The following NLGN1 variants were observed in gnomAD, a reference collection of about 807,000 sequenced individuals.
NLGN1 encodes neuroligin 1.
Under a neutral mutation model 65.5 loss-of-function variants are expected in NLGN1, and 12 were observed. The ratio of observed to expected loss-of-function variants is 0.18; its 90% CI spans 0.12 to 0.30. The LOEUF (loss-of-function observed/expected upper bound fraction) is 0.30. Ranked by LOEUF, NLGN1 falls within the 10% of genes least tolerant of loss-of-function variation. The probability of loss-of-function intolerance (pLI) is 1.00; values close to 1 mark genes in which losing one functional copy is unlikely to be tolerated. For synonymous variants in NLGN1, 350 were observed against 359.5 expected, an observed-to-expected ratio of 0.97 and a Z score of 0.30; for missense variants, 750 against 1,007.1, an observed-to-expected ratio of 0.74 and a Z score of 3.46.
chr3:173,916,473 A>C (rs1560623627), intron 4 of NLGN1, among the ~76,000 whole-genome samples: 2 of 152,162 alleles, frequency 1.3e-5, no homozygotes, highest in South Asian at 2.1e-4. Flanking sequence ...GCCTAATTAT[A>C]ATATTTTATA....
chr3:173,728,837 C>T lies in NLGN1; in HGVS notation c.494-78843C>T, dbSNP rs899071280. Among the ~76,000 whole-genome samples the T allele has an allele frequency of 7.2e-5, 11 of 152,008 alleles. No individual in the cohort carries two copies. In the South Asian group the frequency reaches 1.9e-3, roughly 26 times the overall value. Reference sequence around the variant, plus strand: ...CTAGAGTCTTCAGAGGGAGTATGGCCCTGCTGGCAGGTTGATTTCAGACTT... The same window carrying T: ...CTAGAGTCTTCAGAGGGAGTATGGCTCTGCTGGCAGGTTGATTTCAGACTT... On this transcript the variant is annotated intron_variant, in intron 3 of 6. Coordinates refer to ENST00000457714, the Ensembl canonical transcript of NLGN1.
At chr3:173,617,191 A>G (rs1298431566) in intron 3 of NLGN1, among the ~76,000 whole-genome samples, 1 of 152,118 alleles carries the variant, frequency 6.6e-6, no homozygotes, top group Non-Finnish European at 1.5e-5. Flanking sequence ...TGATCAACCT[A>G]TCAAGATAAC....
At chr3:174,096,530 G>A (rs1211424739) in intron 4 of NLGN1, among the ~76,000 whole-genome samples, 1 of 151,992 alleles carries the variant, frequency 6.6e-6, no homozygotes, top group Non-Finnish European at 1.5e-5. Context: ...GTAGATAGAA[G>A]GTCGGTTTGA....
At chr3:173,773,956 A>G (rs1560340444) in intron 3 of NLGN1, among the ~76,000 whole-genome samples, 4 of 152,190 alleles carry the variant, frequency 2.6e-5, no homozygotes, top group East Asian at 3.9e-4. Context: ...GAACATCCCA[A>G]TCAGACAAAG....
chr3:173,667,796 A>T (rs1761920764), intron 3 of NLGN1, among the ~76,000 whole-genome samples: 1 of 151,864 alleles, frequency 6.6e-6, no homozygotes, highest in Admixed American at 6.6e-5. Flanking sequence ...CGCCTGGCTC[A>T]CTTTTGTATG....
At chr3:173,853,988 A>G (rs1025724814) in intron 4 of NLGN1, among the ~76,000 whole-genome samples, 2 of 152,006 alleles carry the variant, frequency 1.3e-5, no homozygotes, top group Non-Finnish European at 2.9e-5. Flanking sequence ...CATTATATGT[A>G]AAAATACTAT....
intron 2 of NLGN1, among the ~76,000 whole-genome samples, chr3:173,554,918 G>A (rs1741466190): frequency 6.6e-6 from 1 of 152,094 alleles, no homozygotes; most frequent in African/African-American, 2.4e-5. Context: ...CCAATATTTG[G>A]TATTTTTTGG....
chr3:173,808,213 G>A (rs1031493415), intron 4 of NLGN1, among the ~76,000 whole-genome samples: 1 of 152,104 alleles, frequency 6.6e-6, no homozygotes, highest in Non-Finnish European at 1.5e-5. Context: ...CTCTTCTGGA[G>A]TATGTATATG....
chr3:173,637,668 A>C (rs556654829), intron 3 of NLGN1, among the ~76,000 whole-genome samples: 1 of 152,108 alleles, frequency 6.6e-6, no homozygotes, highest in Non-Finnish European at 1.5e-5. Flanking sequence ...TGTAGGACAG[A>C]TATTTGTTCT....
intron 4 of NLGN1, among the ~76,000 whole-genome samples, chr3:174,128,753 G>T (rs55717421): frequency 0.08 from 12,202 of 152,106 alleles, 1,075 homozygotes; most frequent in African/African-American, 0.22. Flanking sequence ...CACCTGCCTG[G>T]ACATTCAGGA....
intron 3 of NLGN1, among the ~76,000 whole-genome samples, chr3:173,788,205 G>T (rs1197825583): frequency 1.7e-4 from 8 of 48,292 alleles, no homozygotes; most frequent in Admixed American, 5.4e-4. Context: ...TTGACATTTT[G>T]CAAAAAAAAA....
rs1175918579 is a variant in NLGN1, at chr3:173,440,707, G to C, written c.-321+5629G>C. ...TGTAAAGAGATGTGCTGTCATCCAG[G>C]CTTTATTATTCTATTTATAGAGCAC... On this transcript the variant is annotated intron_variant, in intron 2 of 6. Transcript: ENST00000457714. Among the ~76,000 whole-genome samples the C allele has an allele frequency of 3.9e-5, 6 of 152,192 alleles. No homozygotes were observed. In the East Asian group the frequency reaches 7.7e-4, roughly 20 times the overall value.
chr3:173,619,842 A>G (rs1283941678), intron 3 of NLGN1, among the ~76,000 whole-genome samples: 1 of 152,154 alleles, frequency 6.6e-6, no homozygotes, highest in Non-Finnish European at 1.5e-5. Context: ...TCTATCTTGG[A>G]TGGGAGCTGG....
intron 4 of NLGN1, among the ~76,000 whole-genome samples, chr3:174,085,408 A>G (rs1281868148): frequency 6.6e-6 from 1 of 152,054 alleles, no homozygotes; most frequent in African/African-American, 2.4e-5. Context: ...GGTGTGAATT[A>G]AAGTCATTTC....
chr3:173,869,537 A>T (rs534440317), intron 4 of NLGN1, among the ~76,000 whole-genome samples: 1 of 152,114 alleles, frequency 6.6e-6, no homozygotes, highest in Non-Finnish European at 1.5e-5. Context: ...TATACCCCAA[A>T]TCTACCATTA....
intron 4 of NLGN1, among the ~76,000 whole-genome samples, chr3:174,214,066 G>T (rs1041273029): frequency 5.3e-5 from 8 of 152,012 alleles, no homozygotes; most frequent in African/African-American, 1.4e-4. Flanking sequence ...ACCGTAAGGG[G>T]TTTTTTTGAT....
At chr3:173,877,436 C>G (rs531348615) in intron 4 of NLGN1, among the ~76,000 whole-genome samples, 13 of 151,354 alleles carry the variant, frequency 8.6e-5, no homozygotes, top group Admixed American at 4.6e-4. Flanking sequence ...AAGGAGACAT[C>G]ACAACTAAAT....
chr3:173,754,229 G>A (rs1776763625), intron 3 of NLGN1, among the ~76,000 whole-genome samples: 1 of 151,502 alleles, frequency 6.6e-6, no homozygotes, highest in African/African-American at 2.4e-5. Context: ...GTAGTTTTTT[G>A]TAGAGATGGG....
At position 173,986,175 on chromosome 3, in the gene NLGN1, A is replaced by G. The variant is rs552846033; in HGVS notation, c.646+178343A>G. 2.0e-5 allele frequency among the ~76,000 whole-genome samples: 3 copies of G among 152,210 alleles called. No homozygotes were observed. The East Asian group carries it at 5.8e-4, about 30-fold the overall frequency. On this transcript the variant is annotated intron_variant, in intron 4 of 6. Transcript: ENST00000457714. ...AATATGACTGGTATCCATATAAAAA[A>G]GGGGAAATTTGGGCCAGACACGGTG...
Sources: allele counts gnomAD v4.1 joint callset (sites outside exome capture counted in the v4.1 genomes callset), GRCh38; gene constraint gnomAD v4.1.1; transcripts MANE v1.5; gene names NCBI Gene and HGNC (gene_info 2026-07-23, HGNC 2026-07-21).